Variants in ASPHD2 observed in about 807,000 individuals in gnomAD.
ASPHD2 encodes the protein aspartate beta-hydroxylase domain-containing protein 2.
ASPHD2 carries 12 observed loss-of-function variants against 34.6 expected under a neutral mutation model. The observed-to-expected ratio is 0.35, with a 90% CI of 0.22 to 0.56. The LOEUF (loss-of-function observed/expected upper bound fraction) is 0.56. ASPHD2 is among the 20% of genes least tolerant of loss of function. The probability of loss-of-function intolerance (pLI) is 0.87; values close to 1 mark genes in which losing one functional copy is unlikely to be tolerated. For synonymous variants in ASPHD2, 224 were observed against 212.2 expected (o/e 1.06, Z -0.48); for missense variants, 375 against 505.0 (o/e 0.74, Z 2.47).
At chr22:26,435,893 T>C (rs1001904368) in intron 2 of ASPHD2, among the ~76,000 whole-genome samples, 3 of 152,188 alleles carry the variant, frequency 2.0e-5, no homozygotes, top group African/African-American at 7.2e-5. Context: ...AGCAGGTCAC[T>C]GAGTCTCTCT....
At position 26,433,507 on chromosome 22, in the gene ASPHD2, C is replaced by A; in HGVS notation, c.-109C>A. On this transcript the variant is annotated 5_prime_UTR_variant, in exon 2 of 4. Coordinates refer to ENST00000215906, the MANE Select transcript of ASPHD2 (RefSeq NM_020437.5). This position sits in a 1 kb window ranked among gnomAD's most constrained non-coding sequence, Gnocchi z 5.1. ...TTTTGCCGGAAAGTGGAGCAGTGGG[C>A]ACGGCCAACCTTGTCGTTCATCAAT... The A allele has an allele frequency of 1.2e-6, 1 of 816,712 alleles. No homozygotes were observed. 50.6% of individuals were successfully genotyped at this position (816,712 alleles called of 1,614,324 possible). A position where few individuals can be genotyped will look rare whatever the true frequency, so the allele number is the denominator to read the frequency against.
intron 3 of ASPHD2, 77 bp downstream of exon 3, chr22:26,442,649 G>C: frequency 8.1e-7 from 1 of 1,239,024 alleles, no homozygotes; most frequent in African/African-American, 1.5e-5. Flanking sequence ...TAGGTTTCCA[G>C]AAAAATCAGG....
intron 2 of ASPHD2, among the ~76,000 whole-genome samples, chr22:26,434,718 C>T (rs1289241149): frequency 6.6e-6 from 1 of 152,218 alleles, no homozygotes; most frequent in East Asian, 1.9e-4. Flanking sequence ...GACAGCAGCT[C>T]TGTGCAAAGA....
At chr22:26,437,008 G>A (rs762622452) in intron 2 of ASPHD2, among the ~76,000 whole-genome samples, 12 of 152,154 alleles carry the variant, frequency 7.9e-5, no homozygotes, top group Non-Finnish European at 1.5e-4. Flanking sequence ...TCCCACTGTG[G>A]CGTGGCTTGT....
At chr22:26,438,843 C>T (rs549730249) in intron 2 of ASPHD2, among the ~76,000 whole-genome samples, 1 of 152,048 alleles carries the variant, frequency 6.6e-6, no homozygotes, top group African/African-American at 2.4e-5. Context: ...CAGGAAGCTT[C>T]GAGCACTGGA....
Position 26,443,218 on chromosome 22 carries a change from A to G in ASPHD2, c.*12A>G, listed in dbSNP as rs748242834. On this transcript the variant is annotated 3_prime_UTR_variant, in exon 4 of 4. Transcript: ENST00000215906. ...CTCCGGGACGATGAGAGTATTTCCC[A>G]TGCTGGAGTCGGCGAGAAGGGCCGA... is the stretch of plus-strand genomic sequence containing the variant. 13 of 1,611,834 alleles carry G rather than the reference A, an allele frequency of 8.1e-6. No homozygotes were observed. Among genetic ancestry groups the G allele is most frequent in the Middle Eastern group, 1.7e-4 (1 of 6,058 alleles).
Position 26,434,613 on chromosome 22 carries a change from C to T in ASPHD2, c.886+112C>T, listed in dbSNP as rs1185109366. 5 of 1,219,202 alleles carry T rather than the reference C, an allele frequency of 4.1e-6. No homozygotes were observed. The African/African-American group carries it at 6.0e-5, about 15-fold the overall frequency. 75.5% of individuals were successfully genotyped at this position (1,219,202 alleles called of 1,614,324 possible). A position where few individuals can be genotyped will look rare whatever the true frequency, so the allele number is the denominator to read the frequency against. On this transcript the variant is annotated intron_variant, in intron 2 of 3. Coordinates refer to ENST00000215906, the MANE Select transcript of ASPHD2 (RefSeq NM_020437.5). Reference sequence around the variant, plus strand: ...CAGAATTGCGCCTTTTCGCATTGTTCACTTTTAGCAAAAACTGATGAATTG... The same window carrying T: ...CAGAATTGCGCCTTTTCGCATTGTTTACTTTTAGCAAAAACTGATGAATTG...
rs2084870291 is a variant in ASPHD2, at chr22:26,443,288, G to A, written c.*82G>A. ...GTGGTCCGGTCCAGTCCCTACCGGTGTTGTTTCCATGCTCAGAAACCTGCC... is the reference window on the plus strand; with the variant it reads ...GTGGTCCGGTCCAGTCCCTACCGGTATTGTTTCCATGCTCAGAAACCTGCC... On this transcript the variant is annotated 3_prime_UTR_variant, in exon 4 of 4. Transcript: ENST00000215906. The A allele has an allele frequency of 4.2e-6, 5 of 1,182,560 alleles. No homozygotes were observed. Among genetic ancestry groups the A allele is most frequent in the Non-Finnish European group, 6.2e-6 (5 of 801,100 alleles). 73.3% of individuals were successfully genotyped at this position (1,182,560 alleles called of 1,614,324 possible). A position where few individuals can be genotyped will look rare whatever the true frequency, so the allele number is the denominator to read the frequency against.
Position 26,433,510 on chromosome 22 carries a change from G to C in ASPHD2, c.-106G>C. On this transcript the variant is annotated 5_prime_UTR_variant, in exon 2 of 4. Transcript: ENST00000215906. The surrounding 1 kb of genome is among the most constrained non-coding windows in gnomAD (Gnocchi z 5.1). Reference sequence around the variant, plus strand: ...TGCCGGAAAGTGGAGCAGTGGGCACGGCCAACCTTGTCGTTCATCAATGCC... The same window carrying C: ...TGCCGGAAAGTGGAGCAGTGGGCACCGCCAACCTTGTCGTTCATCAATGCC... 2 of 865,030 alleles carry C rather than the reference G, an allele frequency of 2.3e-6. No individual in the cohort carries two copies. The highest frequency in any genetic ancestry group is 1.8e-6 in the Non-Finnish European group (1 of 556,136). 53.6% of individuals were successfully genotyped at this position (865,030 alleles called of 1,614,324 possible).
chr22:26,438,460 T>C lies in ASPHD2; in HGVS notation c.886+3959T>C, dbSNP rs561050319. 3.4e-3 allele frequency among the ~76,000 whole-genome samples: 285 copies of C among 82,930 alleles called. 1 individual carries two copies. Among genetic ancestry groups the C allele is most frequent in the African/African-American group, 9.2e-3 (264 of 28,802 alleles). 54.4% of individuals were successfully genotyped at this position (82,930 alleles called of 152,430 possible). A position where few individuals can be genotyped will look rare whatever the true frequency, so the allele number is the denominator to read the frequency against. On this transcript the variant is annotated intron_variant, in intron 2 of 3. Transcript: ENST00000215906. ...ACACATACATATATATACATATATA[T>C]ACACACACACATATATATACATATA...
At chr22:26,441,935 C>CAAAG (rs2084846468) in intron 2 of ASPHD2, among the ~76,000 whole-genome samples, 2 of 65,432 alleles carry the variant, frequency 3.1e-5, no homozygotes, top group African/African-American at 1.3e-4. Flanking sequence ...ACAAAACAAA[C>CAAAG]AAAAAAATTA....
intron 1 of ASPHD2, among the ~76,000 whole-genome samples, chr22:26,430,270 T>C (rs2084748815): frequency 6.6e-6 from 1 of 152,192 alleles, no homozygotes; most frequent in Non-Finnish European, 1.5e-5. Flanking sequence ...CCTCTGGGAA[T>C]GGACATCTGA....
chr22:26,441,725 C>T (rs1205355197), intron 2 of ASPHD2, among the ~76,000 whole-genome samples: 1 of 151,988 alleles, frequency 6.6e-6, no homozygotes, highest in Non-Finnish European at 1.5e-5. Flanking sequence ...GAGTTCAAGA[C>T]CCGCCTGGCC....
intron 2 of ASPHD2, among the ~76,000 whole-genome samples, chr22:26,440,798 G>A (rs1054457825): frequency 1.1e-4 from 15 of 138,426 alleles, no homozygotes; most frequent in African/African-American, 4.0e-4. Context: ...GGAGAACACT[G>A]TGTGAGCCTT....
chr22:26,434,295 A>C lies in ASPHD2; in HGVS notation c.680A>C (p.Glu227Ala), dbSNP rs371659241. The C allele has an allele frequency of 4.7e-5, 76 of 1,613,982 alleles. No homozygotes were observed. Among genetic ancestry groups the C allele is most frequent in the Admixed American group, 1.7e-5 (1 of 59,978 alleles). ...AAAATGAACAGCACCCCCAGCGGGG[A>C]GTGGTTCACCTTTTACTTGGTCAAT... ...GWKMNSTPSG[E>A]WFTFYLVNQG... Residue 227 changes from glutamate to alanine, a missense_variant, in exon 2 of 4, where the codon GAG becomes GCG. By Grantham distance (107) the Glu-to-Ala change is moderately radical. Transcript: ENST00000215906.
Position 26,434,528 on chromosome 22 carries a change from G to A in ASPHD2, c.886+27G>A, listed in dbSNP as rs575584203. On this transcript the variant is annotated intron_variant, in intron 2 of 3. Transcript: ENST00000215906. ...TATGTTGCAAGGACAGGGGTCTCCC[G>A]GCATGCACATTTGCAAGCTCAGCCC... 154 of 1,536,730 alleles carry A rather than the reference G, an allele frequency of 1.0e-4. 1 individual carries two copies. In the South Asian group the frequency reaches 1.8e-3, roughly 18 times the overall value.
chr22:26,438,582 C>T (rs1023321650), intron 2 of ASPHD2, among the ~76,000 whole-genome samples: 3 of 137,746 alleles, frequency 2.2e-5, no homozygotes, highest in African/African-American at 5.4e-5. Flanking sequence ...CATATATATA[C>T]ATACATATAT....
chr22:26,432,403 G>A (rs933738313), intron 1 of ASPHD2, among the ~76,000 whole-genome samples: 5 of 152,180 alleles, frequency 3.3e-5, no homozygotes, highest in African/African-American at 1.2e-4. Context: ...TTGAAATTGT[G>A]CTCCCTGAGT....
rs535106158 is a variant in ASPHD2, at chr22:26,433,627, G to A, written c.12G>A (p.Ala4=). Residue 4 remains alanine, a synonymous_variant, in exon 2 of 4, where the codon GCG becomes GCA. Transcript: ENST00000215906. The surrounding 1 kb of genome is among the most constrained non-coding windows in gnomAD (Gnocchi z 5.1). Reference sequence around the variant, plus strand: ...CCACGCTAATCTGCATGGTGTGGGCGCCCTTGGGACCCCCGAGGACTGATT... The same window carrying A: ...CCACGCTAATCTGCATGGTGTGGGCACCCTTGGGACCCCCGAGGACTGATT... MVW[A]PLGPPRTDCL... is the part of the protein sequence containing the mutation. The A allele has an allele frequency of 1.9e-5, 30 of 1,613,526 alleles. No homozygotes were observed. Among genetic ancestry groups the A allele is most frequent in the African/African-American group, 6.7e-5 (5 of 74,998 alleles).
Sources: allele counts gnomAD v4.1 joint callset (sites outside exome capture counted in the v4.1 genomes callset), GRCh38; gene constraint gnomAD v4.1.1; non-coding constraint Gnocchi (gnomAD v3.1); transcripts MANE v1.5; gene names NCBI Gene and HGNC (gene_info 2026-07-23, HGNC 2026-07-21).